The following C8orf34 variants were observed in gnomAD, a reference collection of about 807,000 sequenced individuals.
C8orf34 encodes the protein chromosome 8 open reading frame 34, also known as uncharacterized protein C8orf34.
C8orf34 carries 65 observed loss-of-function variants against 68.3 expected under a neutral mutation model. The observed-to-expected ratio is 0.95, with a 90% CI of 0.78 to 1.17. The LOEUF (loss-of-function observed/expected upper bound fraction) is 1.17. C8orf34 is among the 50% of genes most tolerant of loss of function. C8orf34 has a pLI of 0.00. For missense variants in C8orf34, 664 were observed against 655.4 expected, an observed-to-expected ratio of 1.01 and a Z score of -0.14; for synonymous variants, 244 against 241.2, an observed-to-expected ratio of 1.01 and a Z score of -0.11.
chr8:68,483,534 G>C (rs1812949751), intron 4 of C8orf34, among the ~76,000 whole-genome samples: 1 of 152,124 alleles, frequency 6.6e-6, no homozygotes, highest in African/African-American at 2.4e-5. Context: ...TAGCATCAAG[G>C]TTGTTTTGAC....
intron 1 of C8orf34, among the ~76,000 whole-genome samples, chr8:68,432,574 C>T (rs1451304266): frequency 2.0e-5 from 3 of 152,124 alleles, no homozygotes; most frequent in Non-Finnish European, 2.9e-5. Context: ...TCCAGTAGTG[C>T]TCAATAAAAG....
chr8:68,642,576 T>G (rs1420411319), intron 8 of C8orf34, among the ~76,000 whole-genome samples: 1 of 152,212 alleles, frequency 6.6e-6, no homozygotes. Context: ...AACCAGGGTA[T>G]TAGCATCTTC....
rs549847582 is a variant in C8orf34, at chr8:68,534,778, A to T, written c.1105+1629A>T. 2.1e-4 allele frequency: 208 copies of T among 985,330 alleles called. 1 individual carries two copies. The African/African-American group carries it at 3.5e-3, about 17-fold the overall frequency. The allele number at this position is 985,330 out of a possible 1,614,324, so 61.0% of individuals were successfully genotyped here. ...TGAGATCCAGGGTTTCTTTCAGGAG[A>T]TGCAGTTGTCCACTCCATGCTGGTA... On this transcript the variant is annotated intron_variant, in intron 7 of 13. Coordinates refer to ENST00000518698, the MANE Select transcript of C8orf34 (RefSeq NM_052958.4).
At chr8:68,533,884 A>G (rs11987961) in intron 7 of C8orf34, 140,959 of 937,284 alleles carry the variant, frequency 0.15, 12,482 homozygotes, top group African/African-American at 0.39. Flanking sequence ...AGTCAGTGGT[A>G]TCAATTATTC....
intron 7 of C8orf34, among the ~76,000 whole-genome samples, chr8:68,638,774 A>C (rs949308244): frequency 1.3e-5 from 2 of 151,948 alleles, no homozygotes; most frequent in Non-Finnish European, 2.9e-5. Flanking sequence ...TTTACCTCCA[A>C]TAGAGGACTA....
intron 8 of C8orf34, among the ~76,000 whole-genome samples, chr8:68,668,956 C>T (rs1429933467): frequency 6.6e-6 from 1 of 152,122 alleles, no homozygotes. Flanking sequence ...CCAGATAAGA[C>T]CCCAGCCCAG....
At chr8:68,707,968 T>A (rs1026572095) in intron 8 of C8orf34, among the ~76,000 whole-genome samples, 1 of 152,128 alleles carries the variant, frequency 6.6e-6, no homozygotes, top group Admixed American at 6.5e-5. Context: ...AAGGAAATAG[T>A]AGAGAATATT....
chr8:68,420,188 T>C lies in C8orf34; in HGVS notation c.328-19311T>C, dbSNP rs1213262086. Among the ~76,000 whole-genome samples the C allele has an allele frequency of 5.3e-5, 8 of 151,450 alleles. No individual in the cohort carries two copies. In the East Asian group the frequency reaches 1.6e-3, roughly 30 times the overall value. On this transcript the variant is annotated intron_variant, in intron 1 of 13. Transcript: ENST00000518698. ...CACCGAGAGGCAAAGTGATGCTTTT[T>C]ATAGCTTCCCAGGGAGAAGGGCAAC... is the stretch of plus-strand genomic sequence containing the variant.
chr8:68,557,359 A>G lies in C8orf34; in HGVS notation c.1105+24210A>G, dbSNP rs183040271. On this transcript the variant is annotated intron_variant, in intron 7 of 13. Coordinates refer to ENST00000518698, the MANE Select transcript of C8orf34 (RefSeq NM_052958.4). Reference sequence around the variant, plus strand: ...GCTAATCCTTTGGAAAACTGATCCTAAACTTGAGCCCCAAAAGCTTAACAA... The same window carrying G: ...GCTAATCCTTTGGAAAACTGATCCTGAACTTGAGCCCCAAAAGCTTAACAA... 8.3e-4 allele frequency among the ~76,000 whole-genome samples: 127 copies of G among 152,328 alleles called. 1 individual carries two copies. Among genetic ancestry groups the G allele is most frequent in the Non-Finnish European group, 1.6e-3 (109 of 68,030 alleles).
intron 1 of C8orf34, among the ~76,000 whole-genome samples, chr8:68,437,634 CT>C (rs965865364): frequency 6.6e-6 from 1 of 151,942 alleles, no homozygotes; most frequent in African/African-American, 2.4e-5. Context: ...AGCAGATGGC[CT>C]TTTTTAATTT....
At chr8:68,804,301 C>T (rs1824419378) in intron 12 of C8orf34, among the ~76,000 whole-genome samples, 1 of 152,166 alleles carries the variant, frequency 6.6e-6, no homozygotes, top group Non-Finnish European at 1.5e-5. Flanking sequence ...GCAGATGTTA[C>T]TTATTCTGTA....
chr8:68,620,739 A>G (rs1239896061), intron 7 of C8orf34, among the ~76,000 whole-genome samples: 1 of 151,750 alleles, frequency 6.6e-6, no homozygotes, highest in Non-Finnish European at 1.5e-5. Context: ...GAAAAAGAAG[A>G]TAACTGTAGA....
At chr8:68,344,766 T>C (rs1806211553) in intron 1 of C8orf34, among the ~76,000 whole-genome samples, 1 of 152,026 alleles carries the variant, frequency 6.6e-6, no homozygotes, top group African/African-American at 2.4e-5. Context: ...TACAGATAGA[T>C]TGGATAAAGA....
chr8:68,709,736 G>A (rs1309213754), intron 9 of C8orf34, among the ~76,000 whole-genome samples: 1 of 152,020 alleles, frequency 6.6e-6, no homozygotes, highest in Non-Finnish European at 1.5e-5. Context: ...TGAAAATAAA[G>A]CTGCTTATTT....
intron 12 of C8orf34, among the ~76,000 whole-genome samples, chr8:68,801,378 C>T (rs10957451): frequency 0.24 from 36,585 of 152,084 alleles, 4,804 homozygotes; most frequent in East Asian, 0.47. Context: ...TAGCTTGAGC[C>T]GAACATACTG....
intron 8 of C8orf34, among the ~76,000 whole-genome samples, chr8:68,643,506 T>C (rs546371726): frequency 6.6e-6 from 1 of 152,266 alleles, no homozygotes; most frequent in East Asian, 1.9e-4. Flanking sequence ...GACAAGTATT[T>C]ATGTCTCCCA....
chr8:68,591,116 T>C (rs1416290639), intron 7 of C8orf34, among the ~76,000 whole-genome samples: 1 of 152,114 alleles, frequency 6.6e-6, no homozygotes, highest in African/African-American at 2.4e-5. Flanking sequence ...CCTGCCACCA[T>C]CTTGGAAGGG....
chr8:68,383,934 G>A (rs894311434), intron 1 of C8orf34, among the ~76,000 whole-genome samples: 65 of 152,268 alleles, frequency 4.3e-4, no homozygotes, highest in African/African-American at 1.5e-3. Flanking sequence ...GGAGGAAGAG[G>A]ATTTCTGTTC....
Position 68,440,719 on chromosome 8 carries a change from C to T in C8orf34, c.475+1073C>T, listed in dbSNP as rs1586146480. 2.0e-5 allele frequency among the ~76,000 whole-genome samples: 3 copies of T among 152,138 alleles called. No individual in the cohort carries two copies. The East Asian group carries it at 5.8e-4, about 29-fold the overall frequency. ...TGGTACCCACCACATAAACGCAGAT[C>T]AGTTGAGCATCTGTGAATTTACTGT... On this transcript the variant is annotated intron_variant, in intron 2 of 13. Transcript: ENST00000518698.
Sources: gnomAD v4.1 joint callset for allele counts (sites outside exome capture counted in the v4.1 genomes callset) on GRCh38, gnomAD v4.1.1 for gene constraint, MANE v1.5 for transcripts, NCBI Gene and HGNC (gene_info 2026-07-23, HGNC 2026-07-21) for gene names.